Variants in PCNX1 observed in about 807,000 individuals in gnomAD.
The protein encoded by PCNX1 is pecanex-like protein 1.
In PCNX1, 78 loss-of-function variants were observed where a neutral mutation model predicts 242.2. The ratio of observed to expected loss-of-function variants is 0.32; its 90% CI spans 0.27 to 0.39. The LOEUF (loss-of-function observed/expected upper bound fraction) is 0.39, where lower values mean the gene tolerates loss of function less well. Among genes scored for constraint, PCNX1 ranks in the 10% least tolerant of loss-of-function variants. The pLI, the probability that PCNX1 is intolerant of heterozygous loss-of-function variation, is 1.00. For missense variants in PCNX1, 2,581 were observed against 2,856.5 expected (o/e 0.90, Z 2.20); for synonymous variants, 1,024 against 1,032.9 (o/e 0.99, Z 0.17).
rs1301066471 is a variant in PCNX1 at position 71,113,830 on chromosome 14, A to C, written c.*3895A>C. ...ATTTATTTTAATTAATTTGTCATGA[A>C]TATGGACAAAGCCTTTTCTGGGGTG... On this transcript the variant is annotated 3_prime_UTR_variant, in exon 36 of 36. Transcript: ENST00000304743. 6.6e-6 allele frequency: 1 copy of C among 152,184 alleles called. No individual in the cohort carries two copies. Among genetic ancestry groups the C allele is most frequent in the African/African-American group, 2.4e-5 (1 of 41,444 alleles). 9.4% of individuals were successfully genotyped at this position (152,184 alleles called of 1,614,324 possible). A position where few individuals can be genotyped will look rare whatever the true frequency, so the allele number is the denominator to read the frequency against.
intron 30 of PCNX1, among the ~76,000 whole-genome samples, chr14:71,099,943 GCA>G (rs758391862): frequency 1.3e-5 from 2 of 151,932 alleles, no homozygotes; most frequent in African/African-American, 2.4e-5. Context: ...CCTTTACTTT[GCA>G]CCTATGAGTG....
At chr14:70,984,627 C>G (rs552607868) in intron 6 of PCNX1, among the ~76,000 whole-genome samples, 1 of 151,858 alleles carries the variant, frequency 6.6e-6, no homozygotes. Flanking sequence ...ACCTTGTGAT[C>G]CGCCTGGCTC....
intron 6 of PCNX1, among the ~76,000 whole-genome samples, chr14:70,984,501 C>G (rs2058938784): frequency 6.6e-6 from 1 of 151,206 alleles, no homozygotes; most frequent in African/African-American, 2.4e-5. Context: ...ATTCTCCTGC[C>G]TCAGCCTCCC....
intron 23 of PCNX1, among the ~76,000 whole-genome samples, chr14:71,051,212 T>C (rs1470473156): frequency 1.4e-5 from 2 of 147,240 alleles, no homozygotes; most frequent in Non-Finnish European, 3.0e-5. Context: ...TAACCTTTTA[T>C]ATCCACACCT....
intron 9 of PCNX1, 32 bp downstream of exon 9, chr14:71,009,756 A>G: frequency 8.0e-7 from 1 of 1,252,512 alleles, no homozygotes; most frequent in Non-Finnish European, 1.1e-6. Context: ...GAGTGTGTGT[A>G]CTTTCATATG....
intron 28 of PCNX1, among the ~76,000 whole-genome samples, chr14:71,084,833 G>T (rs769078392): frequency 1.3e-5 from 2 of 152,198 alleles, no homozygotes; most frequent in Non-Finnish European, 2.9e-5. Context: ...CCTGGCTTCA[G>T]CCCCCTTTCC....
chr14:71,073,476 G>T, intron 26 of PCNX1, 69 bp from the exon 27 acceptor site: 1 of 1,388,120 alleles, frequency 7.2e-7, no homozygotes, highest in African/African-American at 1.4e-5. Flanking sequence ...TAAATCTTAT[G>T]TGTCCTTGCA....
chr14:70,967,320 A>G (rs528286816), intron 3 of PCNX1, among the ~76,000 whole-genome samples: 1 of 152,380 alleles, frequency 6.6e-6, no homozygotes, highest in Non-Finnish European at 1.5e-5. Flanking sequence ...AAAGTAGTAT[A>G]TGAATGTTCT....
chr14:71,090,414 C>G (rs536707410), intron 30 of PCNX1, among the ~76,000 whole-genome samples: 1 of 152,170 alleles, frequency 6.6e-6, no homozygotes, highest in Admixed American at 6.5e-5. Context: ...TAAAAGGTGA[C>G]TTACTCTTCA....
At chr14:71,082,658 T>C (rs2061884992) in intron 28 of PCNX1, among the ~76,000 whole-genome samples, 6 of 152,208 alleles carry the variant, frequency 3.9e-5, no homozygotes, top group Admixed American at 3.9e-4. Context: ...TATCAGAGAC[T>C]AGGATTGCAA....
chr14:70,914,220 A>G (rs541832624), intron 1 of PCNX1, among the ~76,000 whole-genome samples: 1 of 152,294 alleles, frequency 6.6e-6, no homozygotes, highest in South Asian at 2.1e-4. Flanking sequence ...GAAAAGCTAT[A>G]CATTGGCTAC....
chr14:71,081,950 G>A (rs554899161), intron 28 of PCNX1, among the ~76,000 whole-genome samples: 2 of 152,164 alleles, frequency 1.3e-5, no homozygotes, highest in African/African-American at 4.8e-5. Context: ...TGCGATGTTA[G>A]GGTGTTGATT....
At chr14:71,078,330 T>C (rs2141494237) in intron 28 of PCNX1, among the ~76,000 whole-genome samples, 1 of 152,342 alleles carries the variant, frequency 6.6e-6, no homozygotes, top group Non-Finnish European at 1.5e-5. Flanking sequence ...CCAGACTTGC[T>C]GACTCCAAAC....
At chr14:71,045,669 T>C (rs2060840637) in intron 20 of PCNX1, among the ~76,000 whole-genome samples, 1 of 152,202 alleles carries the variant, frequency 6.6e-6, no homozygotes, top group South Asian at 2.1e-4. Context: ...TTTGAAATAG[T>C]TTTAACTTAA....
chr14:71,099,159 AT>A (rs35488754), intron 30 of PCNX1, among the ~76,000 whole-genome samples: 1,322 of 131,448 alleles, frequency 0.01, 9 homozygotes, highest in Non-Finnish European at 0.013. Flanking sequence ...TATTATTTTG[AT>A]TTTTTTTTTT....
At chr14:70,946,048 A>ACTG (rs2057443931) in intron 1 of PCNX1, among the ~76,000 whole-genome samples, 1 of 152,186 alleles carries the variant, frequency 6.6e-6, no homozygotes, top group Non-Finnish European at 1.5e-5. Flanking sequence ...CTGTGGACTC[A>ACTG]AGTTCCCCAT....
chr14:70,985,021 T>G (rs998506275), intron 6 of PCNX1, among the ~76,000 whole-genome samples: 2 of 152,194 alleles, frequency 1.3e-5, no homozygotes, highest in Non-Finnish European at 2.9e-5. Flanking sequence ...GGATTAAACT[T>G]CCTTTGTTAT....
chr14:71,026,377 A>G (rs1253125858), intron 14 of PCNX1, 89 bp downstream of exon 14: 3 of 777,604 alleles, frequency 3.9e-6, no homozygotes, highest in East Asian at 5.6e-5. Context: ...ATACAGCTTT[A>G]GTTTTTAATA....
intron 26 of PCNX1, among the ~76,000 whole-genome samples, chr14:71,066,611 G>A (rs1440036853): frequency 6.6e-6 from 1 of 152,076 alleles, no homozygotes; most frequent in African/African-American, 2.4e-5. Flanking sequence ...TCTTTCTCTT[G>A]GCTGATTGCC....
Sources: allele counts gnomAD v4.1 joint callset (sites outside exome capture counted in the v4.1 genomes callset), GRCh38; gene constraint gnomAD v4.1.1; transcripts MANE v1.5; gene names NCBI Gene and HGNC (gene_info 2026-07-23, HGNC 2026-07-21).